The following IQCM variants were observed in gnomAD, a reference collection of about 807,000 sequenced individuals.
The protein encoded by IQCM is IQ motif containing M, also known as IQ domain-containing protein M.
In IQCM, 45 loss-of-function variants were observed where a neutral mutation model predicts 57.6. The ratio of observed to expected loss-of-function variants is 0.78; its 90% confidence interval spans 0.62 to 1.00. The LOEUF (loss-of-function observed/expected upper bound fraction) is 1.00. IQCM is among the 50% of genes least tolerant of loss of function. The pLI is 0.00. For synonymous variants in IQCM, 148 were observed against 158.9 expected, an observed-to-expected ratio of 0.93 and a Z score of 0.51; for missense variants, 468 against 511.6, an observed-to-expected ratio of 0.91 and a Z score of 0.82.
intron 7 of IQCM, among the ~76,000 whole-genome samples, chr4:149,653,171 T>A (rs1759343102): frequency 1.3e-5 from 2 of 152,072 alleles, no homozygotes; most frequent in African/African-American, 4.8e-5. Flanking sequence ...TCATTTAAAA[T>A]TAATAACATG....
At chr4:149,370,937 C>T (rs767790252) in intron 13 of IQCM, among the ~76,000 whole-genome samples, 2 of 151,598 alleles carry the variant, frequency 1.3e-5, no homozygotes, top group Non-Finnish European at 2.9e-5. Context: ...TAAGATATAA[C>T]CAGTACACAG....
intron 7 of IQCM, among the ~76,000 whole-genome samples, chr4:149,640,195 G>A (rs973029165): frequency 6.6e-6 from 1 of 152,128 alleles, no homozygotes; most frequent in Admixed American, 6.5e-5. Context: ...TTTATGGAGT[G>A]CTTGAGATAT....
intron 6 of IQCM, among the ~76,000 whole-genome samples, chr4:149,683,307 T>G (rs1308118216): frequency 6.6e-6 from 1 of 151,274 alleles, no homozygotes; most frequent in Admixed American, 6.6e-5. Flanking sequence ...TGCCTAGAAA[T>G]TAAAATGTTG....
chr4:149,471,595 A>T (rs1298735089), intron 12 of IQCM, among the ~76,000 whole-genome samples: 1 of 152,096 alleles, frequency 6.6e-6, no homozygotes, highest in African/African-American at 2.4e-5. Context: ...AGAAAAAGAG[A>T]GAATAATCCT....
At chr4:149,590,900 T>G (rs1412425282) in intron 8 of IQCM, among the ~76,000 whole-genome samples, 1 of 152,072 alleles carries the variant, frequency 6.6e-6, no homozygotes, top group Non-Finnish European at 1.5e-5. Flanking sequence ...GGAACAGTGC[T>G]GCAATAAACA....
At chr4:149,584,505 T>G (rs187671880) in intron 9 of IQCM, among the ~76,000 whole-genome samples, 1 of 151,754 alleles carries the variant, frequency 6.6e-6, no homozygotes, top group Non-Finnish European at 1.5e-5. Flanking sequence ...TACATAAATA[T>G]ATTTAAGAAC....
At chr4:149,680,487 C>G (rs1762100574) in intron 7 of IQCM, among the ~76,000 whole-genome samples, 1 of 151,018 alleles carries the variant, frequency 6.6e-6, no homozygotes, top group Admixed American at 6.6e-5. Flanking sequence ...TGAGTTTTAG[C>G]CTAATGTGCA....
chr4:149,539,065 C>T (rs1747590372), intron 12 of IQCM, among the ~76,000 whole-genome samples: 1 of 152,072 alleles, frequency 6.6e-6, no homozygotes, highest in Non-Finnish European at 1.5e-5. Context: ...AGATGCTCAG[C>T]ATCATTCATT....
intron 12 of IQCM, among the ~76,000 whole-genome samples, chr4:149,512,522 GTTTAA>G (rs1326312876): frequency 6.6e-6 from 1 of 152,092 alleles, no homozygotes; most frequent in African/African-American, 2.4e-5. Flanking sequence ...TTTATATTAG[GTTTAA>G]TTTCTTTCTC....
intron 13 of IQCM, among the ~76,000 whole-genome samples, chr4:149,413,547 TTCTGCATGCTCTATA>T (rs1422868822): frequency 1.2e-4 from 18 of 152,168 alleles, no homozygotes; most frequent in African/African-American, 4.1e-4. Context: ...AGTACTCTTC[TTCTGCATGCTCTATA>T]TCAAGACTTT....
At chr4:149,658,122 T>C (rs936599837) in intron 7 of IQCM, among the ~76,000 whole-genome samples, 3 of 152,292 alleles carry the variant, frequency 2.0e-5, no homozygotes, top group Middle Eastern at 3.4e-3. Flanking sequence ...TGTTATCTTC[T>C]AGTACTTTGA....
rs572042114 is a variant in IQCM at position 149,498,650 on chromosome 4, A to T, written c.1228+49805T>A. On this transcript the variant is annotated intron_variant, in intron 12 of 13. Transcript: ENST00000636793. ...CCAGGGTGCCCTGAAGAACACATAC[A>T]GCTCATAGAGAGTAAGTGATTGGAA... Among the ~76,000 whole-genome samples, 225 of 152,268 alleles carry T rather than the reference A, an allele frequency of 1.5e-3. 1 individual carries two copies. Among genetic ancestry groups the T allele is most frequent in the African/African-American group, 5.2e-3 (218 of 41,564 alleles).
intron 13 of IQCM, among the ~76,000 whole-genome samples, chr4:149,363,209 G>A (rs969579147): frequency 6.6e-6 from 1 of 152,180 alleles, no homozygotes; most frequent in Non-Finnish European, 1.5e-5. Context: ...AGGTTGACTT[G>A]ACTCCTTGTG....
At chr4:149,595,984 A>G (rs1753740348) in intron 8 of IQCM, among the ~76,000 whole-genome samples, 1 of 152,212 alleles carries the variant, frequency 6.6e-6, no homozygotes, top group Non-Finnish European at 1.5e-5. Context: ...AGATTAGGAA[A>G]GACTGGAGAA....
chr4:149,553,774 T>C (rs1314806989), intron 10 of IQCM, among the ~76,000 whole-genome samples: 1 of 152,288 alleles, frequency 6.6e-6, no homozygotes, highest in Non-Finnish European at 1.5e-5. Context: ...TTTCTAAAAA[T>C]CTCTTTGAAT....
intron 2 of IQCM, among the ~76,000 whole-genome samples, chr4:149,775,160 T>C (rs1482194573): frequency 6.6e-6 from 1 of 152,056 alleles, no homozygotes; most frequent in Non-Finnish European, 1.5e-5. Context: ...TACCCCTAAA[T>C]TCAAGGTTTC....
rs376965882 is a variant in IQCM at position 149,617,081 on chromosome 4, G to A, written c.681+4048C>T. Among the ~76,000 whole-genome samples, 45 of 151,250 alleles carry A rather than the reference G, an allele frequency of 3.0e-4. 1 individual carries two copies. The East Asian group carries it at 6.1e-3, about 20-fold the overall frequency. ...AGGTATTCTCCTGCCTCAGCCTCCC[G>A]AGTAGCTGGGATTACAGGCATGTGC... On this transcript the variant is annotated intron_variant, in intron 8 of 13. Coordinates refer to ENST00000636793, the MANE Select transcript of IQCM (RefSeq NM_001363507.2).
chr4:149,669,215 T>G (rs1761022153), intron 7 of IQCM, among the ~76,000 whole-genome samples: 1 of 152,200 alleles, frequency 6.6e-6, no homozygotes, highest in Non-Finnish European at 1.5e-5. Context: ...TTGATTTGCA[T>G]TTCTCTGATG....
chr4:149,388,534 T>G (rs1731594625), intron 13 of IQCM, among the ~76,000 whole-genome samples: 1 of 135,724 alleles, frequency 7.4e-6, no homozygotes, highest in African/African-American at 2.6e-5. Context: ...ATATATATTA[T>G]ATATTATATA....
Sources: allele counts gnomAD v4.1 joint callset (sites outside exome capture counted in the v4.1 genomes callset), GRCh38; gene constraint gnomAD v4.1.1; transcripts MANE v1.5; gene names NCBI Gene and HGNC (gene_info 2026-07-23, HGNC 2026-07-21).